The following PPP2R3A variants were observed in gnomAD, a reference collection of about 807,000 sequenced individuals.
PPP2R3A encodes serine/threonine-protein phosphatase 2A regulatory subunit B'' subunit alpha.
PPP2R3A carries 80 observed loss-of-function variants against 106.9 expected under a neutral mutation model. The ratio of observed to expected loss-of-function variants is 0.75; its 90% CI spans 0.62 to 0.90. The LOEUF is 0.90. Among genes scored for constraint, PPP2R3A ranks in the 40% least tolerant of loss-of-function variants. The pLI is 0.00. For missense variants in PPP2R3A, 1,386 were observed against 1,350.4 expected, an observed-to-expected ratio of 1.03 and a Z score of -0.41; for synonymous variants, 483 against 468.3, an observed-to-expected ratio of 1.03 and a Z score of -0.41.
At chr3:136,028,207 G>T (rs906411756) in intron 3 of PPP2R3A, among the ~76,000 whole-genome samples, 1 of 152,156 alleles carries the variant, frequency 6.6e-6, no homozygotes, top group Non-Finnish European at 1.5e-5. Flanking sequence ...AGCTTCCATT[G>T]TGTATTATTG....
chr3:136,018,278 G>C (rs926687105), intron 2 of PPP2R3A, among the ~76,000 whole-genome samples: 3 of 152,056 alleles, frequency 2.0e-5, no homozygotes, highest in African/African-American at 7.2e-5. Context: ...AAAAAATAAA[G>C]GGGTAGACTT....
At position 136,002,731 on chromosome 3, in the gene PPP2R3A, A is replaced by G. The variant is rs1283647186; in HGVS notation, c.1233A>G (p.Leu411=). 1 of 1,612,958 alleles carries G rather than the reference A, an allele frequency of 6.2e-7. No homozygotes were observed. The highest frequency in any genetic ancestry group is 8.5e-7 in the Non-Finnish European group (1 of 1,179,620). The change falls in exon 2 of 14, where the codon TTA becomes TTG. Residue 411 remains leucine (L), a synonymous_variant. Coordinates refer to ENST00000264977, the MANE Select transcript of PPP2R3A (RefSeq NM_002718.5). ...TAGAAAATGTTTCTTCTGACGACTT[A>G]ATGGAAACTCTTTATATTGAAGAAG... The part of the protein sequence containing the change: ...NPLENVSSDD[L]METLYIEEES...
At chr3:136,136,222 C>G (rs910755403) in intron 13 of PPP2R3A, among the ~76,000 whole-genome samples, 4 of 151,708 alleles carry the variant, frequency 2.6e-5, no homozygotes, top group Admixed American at 1.3e-4. Flanking sequence ...AATAAGGGTA[C>G]GACTTGGCAC....
intron 5 of PPP2R3A, among the ~76,000 whole-genome samples, chr3:136,051,010 G>A (rs1299431579): frequency 6.6e-6 from 1 of 152,128 alleles, no homozygotes; most frequent in African/African-American, 2.4e-5. Context: ...GCCCACCTGG[G>A]GAGTGTTTCT....
chr3:135,992,659 A>G (rs1933222627), intron 1 of PPP2R3A, among the ~76,000 whole-genome samples: 1 of 152,196 alleles, frequency 6.6e-6, no homozygotes, highest in Admixed American at 6.5e-5. Context: ...CTGCAGGGAG[A>G]TGAATTCAGC....
chr3:136,054,810 G>C (rs1424620553), intron 5 of PPP2R3A, among the ~76,000 whole-genome samples: 4 of 152,124 alleles, frequency 2.6e-5, no homozygotes, highest in Admixed American at 2.6e-4. Flanking sequence ...TGATGCCATT[G>C]GTCAGAATGC....
intron 5 of PPP2R3A, among the ~76,000 whole-genome samples, chr3:136,069,019 A>C (rs1936347206): frequency 1.3e-5 from 2 of 152,200 alleles, no homozygotes; most frequent in Admixed American, 1.3e-4. Context: ...AAAGCATCAA[A>C]ATCGTAAGGA....
intron 1 of PPP2R3A, among the ~76,000 whole-genome samples, chr3:135,977,685 A>ATTTTTTTT (rs1474837710): frequency 1.9e-5 from 2 of 102,682 alleles, no homozygotes; most frequent in African/African-American, 6.7e-5. Context: ...TCTGATCAGC[A>ATTTTTTTT]TTCTTTTTTT....
chr3:136,064,083 A>G (rs1354905756), intron 5 of PPP2R3A, among the ~76,000 whole-genome samples: 2 of 152,006 alleles, frequency 1.3e-5, no homozygotes, highest in South Asian at 2.1e-4. Context: ...AATACTATGC[A>G]GCCATAAAAA....
Position 136,082,271 on chromosome 3 carries a change from G to T in PPP2R3A, c.2638G>T (p.Ala880Ser), listed in dbSNP as rs1416477453. 3 of 1,581,906 alleles carry T rather than the reference G, an allele frequency of 1.9e-6. No individual in the cohort carries two copies. In the East Asian group the frequency reaches 6.7e-5, roughly 35 times the overall value. Reference sequence around the variant, plus strand: ...TCTTTTCATATAATTTCAGACCCTAGCACTTTTGGAAGAAGAGGAAGATAT... The same window carrying T: ...TCTTTTCATATAATTTCAGACCCTATCACTTTTGGAAGAAGAGGAAGATAT... Reference protein sequence around the residue: ...IRKSNFLQTLALLEEEEDINQ... With the variant: ...IRKSNFLQTLSLLEEEEDINQ... Residue 880 changes from alanine to serine, a missense_variant, in exon 8 of 14, where the codon GCA becomes TCA. By Grantham distance (99) the Ala-to-Ser change is moderately conservative. Transcript: ENST00000264977.
At chr3:135,973,902 T>C (rs188706868) in intron 1 of PPP2R3A, among the ~76,000 whole-genome samples, 6 of 152,330 alleles carry the variant, frequency 3.9e-5, no homozygotes, top group Admixed American at 2.6e-4. Context: ...TCTACAGTTA[T>C]CTAACTCACT....
chr3:136,087,247 C>CTG (rs1559912465), intron 8 of PPP2R3A, among the ~76,000 whole-genome samples: 1 of 64,308 alleles, frequency 1.6e-5, no homozygotes, highest in Non-Finnish European at 3.0e-5. Context: ...CTAGTCGTGT[C>CTG]TCTCTCTCTC....
At chr3:136,103,405 AG>A (rs1559921735) in intron 12 of PPP2R3A, 29 bp downstream of exon 12, 6 of 1,486,048 alleles carry the variant, frequency 4.0e-6, no homozygotes, top group Non-Finnish European at 4.7e-6. Flanking sequence ...CTTTTATTTG[AG>A]GGCTGCAGTG....
chr3:136,027,227 T>C (rs1007938096), intron 3 of PPP2R3A, 129 bp downstream of exon 3: 1 of 841,156 alleles, frequency 1.2e-6, no homozygotes, highest in Admixed American at 3.2e-5. Context: ...ATGCATGGAA[T>C]TGTTGTTGTT....
chr3:136,082,910 C>T (rs909644474), intron 8 of PPP2R3A, among the ~76,000 whole-genome samples: 5 of 152,186 alleles, frequency 3.3e-5, no homozygotes, highest in African/African-American at 9.7e-5. Flanking sequence ...ATGAATTTTG[C>T]GTGCTTTCTT....
intron 8 of PPP2R3A, 27 bp from the exon 9 acceptor site, chr3:136,087,856 T>C: frequency 6.3e-7 from 1 of 1,587,116 alleles, no homozygotes; most frequent in South Asian, 1.1e-5. Context: ...TAACTAGCTT[T>C]GCAATTTTTT....
chr3:135,993,742 G>C (rs1349545551), intron 1 of PPP2R3A, among the ~76,000 whole-genome samples: 2 of 152,152 alleles, frequency 1.3e-5, no homozygotes, highest in Non-Finnish European at 2.9e-5. Context: ...TCATACAGTG[G>C]AATACTACTC....
chr3:136,037,152 T>C (rs115322389), intron 3 of PPP2R3A, among the ~76,000 whole-genome samples: 1,695 of 152,374 alleles, frequency 0.011, 35 homozygotes, highest in African/African-American at 0.039. Flanking sequence ...CAAGTGTAGC[T>C]GTAAAGACTG....
At chr3:136,069,563 G>A (rs1936364446) in intron 5 of PPP2R3A, among the ~76,000 whole-genome samples, 1 of 152,298 alleles carries the variant, frequency 6.6e-6, no homozygotes, top group South Asian at 2.1e-4. Flanking sequence ...GGGAGGCGGA[G>A]CGAGACTCTG....
Sources: allele counts gnomAD v4.1 joint callset (sites outside exome capture counted in the v4.1 genomes callset), GRCh38; gene constraint gnomAD v4.1.1; transcripts MANE v1.5; gene names NCBI Gene and HGNC (gene_info 2026-07-23, HGNC 2026-07-21).